Variants in EIPR1 observed in about 807,000 individuals in gnomAD.
EIPR1 encodes the protein EARP and GARP complex-interacting protein 1.
A neutral mutation model predicts 48.1 loss-of-function variants in EIPR1; 25 were observed. The observed-to-expected ratio is 0.52, with a 90% confidence interval of 0.38 to 0.73. The LOEUF (loss-of-function observed/expected upper bound fraction) is 0.73. Ranked by LOEUF, EIPR1 falls within the 30% of genes least tolerant of loss-of-function variation. The probability of loss-of-function intolerance (pLI) is 0.00; values close to 1 mark genes in which losing one functional copy is unlikely to be tolerated. For missense variants in EIPR1, 415 were observed against 506.2 expected, an observed-to-expected ratio of 0.82 and a Z score of 1.73; for synonymous variants, 204 against 201.9, an observed-to-expected ratio of 1.01 and a Z score of -0.09.
intron 4 of EIPR1, among the ~76,000 whole-genome samples, chr2:3,226,763 G>A (rs181033969): frequency 6.6e-6 from 1 of 152,206 alleles, no homozygotes; most frequent in African/African-American, 2.4e-5. Flanking sequence ...GTTGGAGGAG[G>A]GGCCTGGTGG....
chr2:3,230,585 A>T (rs966481373), intron 4 of EIPR1, among the ~76,000 whole-genome samples: 3 of 152,230 alleles, frequency 2.0e-5, no homozygotes, highest in Non-Finnish European at 2.9e-5. Flanking sequence ...ACAGAGACAC[A>T]ACTATACCAT....
intron 4 of EIPR1, among the ~76,000 whole-genome samples, chr2:3,244,900 C>G (rs1666748451): frequency 6.6e-6 from 1 of 152,204 alleles, no homozygotes; most frequent in Non-Finnish European, 1.5e-5. Flanking sequence ...CAAAAACATA[C>G]TTTTGAACCA....
At chr2:3,374,991 CAAT>C (rs1659824598) in intron 1 of EIPR1, among the ~76,000 whole-genome samples, 1 of 140,616 alleles carries the variant, frequency 7.1e-6, no homozygotes, top group African/African-American at 2.7e-5. Context: ...AAATGTCCAA[CAAT>C]GATAGACTGG....
chr2:3,335,900 T>C (rs1486526409), intron 3 of EIPR1, among the ~76,000 whole-genome samples: 1 of 152,132 alleles, frequency 6.6e-6, no homozygotes, highest in East Asian at 1.9e-4. Context: ...AACCTCTTCA[T>C]AAATTACCCA....
At chr2:3,241,978 C>T (rs1666643273) in intron 4 of EIPR1, among the ~76,000 whole-genome samples, 1 of 152,194 alleles carries the variant, frequency 6.6e-6, no homozygotes, top group Non-Finnish European at 1.5e-5. Flanking sequence ...ACAACCTCAA[C>T]ACAAAATCGA....
At chr2:3,295,565 C>CTG (rs1558280460) in intron 3 of EIPR1, among the ~76,000 whole-genome samples, 1 of 75,054 alleles carries the variant, frequency 1.3e-5, no homozygotes, top group African/African-American at 5.6e-5. Context: ...CATCCTCTCT[C>CTG]CACACACACA....
At chr2:3,299,015 T>A (rs559479503) in intron 3 of EIPR1, among the ~76,000 whole-genome samples, 9 of 152,274 alleles carry the variant, frequency 5.9e-5, no homozygotes, top group African/African-American at 2.2e-4. Flanking sequence ...CTCTCCCGCT[T>A]AACAGCCCCA....
chr2:3,236,923 G>C (rs939129975), intron 4 of EIPR1, among the ~76,000 whole-genome samples: 1 of 152,134 alleles, frequency 6.6e-6, no homozygotes, highest in Non-Finnish European at 1.5e-5. Flanking sequence ...TAGGCAAAAG[G>C]ACTAAGGCAA....
At chr2:3,296,096 C>CG (rs1668576574) in intron 3 of EIPR1, among the ~76,000 whole-genome samples, 1 of 135,936 alleles carries the variant, frequency 7.4e-6, no homozygotes, top group Non-Finnish European at 1.6e-5. Flanking sequence ...CCATCCAGCC[C>CG]ATCCTCTCTA....
At chr2:3,363,855 C>A (rs1364966527) in intron 1 of EIPR1, among the ~76,000 whole-genome samples, 2 of 147,844 alleles carry the variant, frequency 1.4e-5, no homozygotes. Context: ...GGCAAAAGAT[C>A]TGAATAGACA....
At chr2:3,372,999 G>A in intron 1 of EIPR1, among the ~76,000 whole-genome samples, 1 of 152,136 alleles carries the variant, frequency 6.6e-6, no homozygotes, top group East Asian at 1.9e-4. Flanking sequence ...CTGGCAAACT[G>A]AATCCAGCAG....
chr2:3,232,560 T>C (rs947230473), intron 4 of EIPR1, among the ~76,000 whole-genome samples: 1 of 152,238 alleles, frequency 6.6e-6, no homozygotes, highest in Non-Finnish European at 1.5e-5. Context: ...GGTCTCTTTT[T>C]AGTTATTTTA....
intron 2 of EIPR1, among the ~76,000 whole-genome samples, chr2:3,340,971 T>C (rs925197809): frequency 6.6e-6 from 1 of 150,832 alleles, no homozygotes; most frequent in Non-Finnish European, 1.5e-5. Context: ...GTGGCAGTCA[T>C]CTATAATCTC....
intron 3 of EIPR1, among the ~76,000 whole-genome samples, chr2:3,283,118 A>G (rs1008600543): frequency 1.3e-5 from 2 of 152,212 alleles, no homozygotes; most frequent in Non-Finnish European, 2.9e-5. Context: ...TATATGAAAC[A>G]TACCAGTCCT....
At chr2:3,289,760 T>TA (rs1491543516) in intron 3 of EIPR1, among the ~76,000 whole-genome samples, 2 of 152,180 alleles carry the variant, frequency 1.3e-5, no homozygotes, top group Admixed American at 6.5e-5. Context: ...AATTCACACT[T>TA]AGTGTCCAAA....
intron 2 of EIPR1, 21 bp from the exon 3 acceptor site, chr2:3,338,170 C>T: frequency 6.2e-7 from 1 of 1,607,912 alleles, no homozygotes; most frequent in Non-Finnish European, 8.5e-7. Context: ...AAGAAAAGAG[C>T]ACATCAGGAT....
chr2:3,257,234 A>G (rs781754855), intron 4 of EIPR1, 65 bp downstream of exon 4: 5 of 1,542,090 alleles, frequency 3.2e-6, no homozygotes, highest in Non-Finnish European at 4.4e-6. Flanking sequence ...AGGAATCTGC[A>G]CAAGCTCCTG....
At chr2:3,350,138 A>C (rs895631527) in intron 2 of EIPR1, among the ~76,000 whole-genome samples, 2 of 151,336 alleles carry the variant, frequency 1.3e-5, no homozygotes, top group African/African-American at 4.9e-5. Context: ...AAAAAAAAAA[A>C]AAAAAACTAC....
At chr2:3,215,611 T>C (rs1298261882) in intron 4 of EIPR1, among the ~76,000 whole-genome samples, 2 of 152,262 alleles carry the variant, frequency 1.3e-5, no homozygotes, top group Admixed American at 1.3e-4. Flanking sequence ...AATTCTTAAA[T>C]GCTTATTTAT....
Sources: gnomAD v4.1 joint callset for allele counts (sites outside exome capture counted in the v4.1 genomes callset) on GRCh38, gnomAD v4.1.1 for gene constraint, MANE v1.5 for transcripts, NCBI Gene and HGNC (gene_info 2026-07-23, HGNC 2026-07-21) for gene names.